SPEN: variants seen among roughly 807,000 people sequenced by gnomAD.
SPEN encodes msx2-interacting protein.
SPEN carries 18 observed loss-of-function variants against 269.9 expected under a neutral mutation model. The observed-to-expected ratio is 0.07, with a 90% CI of 0.05 to 0.10. The LOEUF (loss-of-function observed/expected upper bound fraction) is 0.10, where lower values mean the gene tolerates loss of function less well. SPEN is among the 10% of genes least tolerant of loss of function. The pLI is 1.00. For synonymous variants in SPEN, 1,726 were observed against 1,765.7 expected, an observed-to-expected ratio of 0.98 and a Z score of 0.56; for missense variants, 3,822 against 4,631.2, an observed-to-expected ratio of 0.83 and a Z score of 5.07.
At chr1:15,902,189 A>T (rs1033344943) in intron 3 of SPEN, among the ~76,000 whole-genome samples, 4 of 152,160 alleles carry the variant, frequency 2.6e-5, no homozygotes, top group Admixed American at 1.3e-4. Context: ...TCAGCCTCCC[A>T]AAGTGCTGGG....
chr1:15,857,414 T>C (rs2070398329), intron 1 of SPEN, among the ~76,000 whole-genome samples: 1 of 151,914 alleles, frequency 6.6e-6, no homozygotes, highest in Non-Finnish European at 1.5e-5. Context: ...TGGAGTGCAG[T>C]GGCGTGATCT....
chr1:15,906,090 GTATTAA>G (rs1357668234), intron 3 of SPEN, among the ~76,000 whole-genome samples: 1 of 152,076 alleles, frequency 6.6e-6, no homozygotes, highest in African/African-American at 2.4e-5. Flanking sequence ...GAATAATCTT[GTATTAA>G]TATTACTTGG....
chr1:15,891,554 G>A (rs982321275), intron 3 of SPEN, among the ~76,000 whole-genome samples: 12 of 152,060 alleles, frequency 7.9e-5, no homozygotes, highest in Non-Finnish European at 1.5e-5. Context: ...GTTTCACCAT[G>A]TTAGCCAGGA....
chr1:15,889,452 C>T lies in SPEN; in HGVS notation c.881+12774C>T, dbSNP rs181743500. ...AAGTGCTGGGATTACAGGCATGAGC[C>T]ACCGTGCCTGGCCAACATTAGCATT... On this transcript the variant is annotated intron_variant, in intron 3 of 14. Transcript: ENST00000375759. Among the ~76,000 whole-genome samples, 211 of 152,218 alleles carry T rather than the reference C, an allele frequency of 1.4e-3. 1 individual carries two copies. Among genetic ancestry groups the T allele is most frequent in the African/African-American group, 4.8e-3 (199 of 41,534 alleles).
chr1:15,935,400 G>C lies in SPEN; in HGVS notation c.9160G>C (p.Ala3054Pro), dbSNP rs777145562. The change falls in exon 11 of 15, where the codon GCC becomes CCC. Residue 3054 changes from alanine to proline, a missense_variant. Physicochemically the swap from Ala to Pro is conservative, Grantham distance 27 (BLOSUM62 -1). This residue lies in a region of SPEN where 153 missense variants were observed against 228.5 expected (regional missense o/e 0.67). Coordinates refer to ENST00000375759, the MANE Select transcript of SPEN (RefSeq NM_015001.3). The surrounding 1 kb of genome is among the most constrained non-coding windows in gnomAD (Gnocchi z 7.7). ...TGCATCTACGGCGCTCTCCACCAAC[G>C]CCACAGTCATGCTGGCTGCAGGCAT... ...STASTALSTN[A>P]TVMLAAGIPV... 6.3e-5 allele frequency: 101 copies of C among 1,613,902 alleles called. No individual in the cohort carries two copies. The highest frequency in any genetic ancestry group is 8.5e-7 in the Non-Finnish European group (1 of 1,180,024).
At chr1:15,892,345 A>G (rs948421800) in intron 3 of SPEN, among the ~76,000 whole-genome samples, 4 of 152,166 alleles carry the variant, frequency 2.6e-5, no homozygotes, top group Non-Finnish European at 5.9e-5. Flanking sequence ...TTTTTAAAAT[A>G]TGACTATTTG....
chr1:15,867,077 A>G (rs1026925693), intron 1 of SPEN, among the ~76,000 whole-genome samples: 2 of 152,146 alleles, frequency 1.3e-5, no homozygotes, highest in Non-Finnish European at 1.5e-5. Flanking sequence ...AACCATTATC[A>G]CTATCTAATT....
chr1:15,919,397 T>A lies in SPEN; in HGVS notation c.1522-7T>A, dbSNP rs1189778477. On this transcript the variant is annotated splice_polypyrimidine_tract_variant and splice_region_variant and intron_variant, in intron 7 of 14. Coordinates refer to ENST00000375759, the MANE Select transcript of SPEN (RefSeq NM_015001.3). ...TTACTAATAGAAATTTTGCCTTTTA[T>A]ATTCAGCTGGGTTTTGGAAAGAGCA... 3.8e-6 allele frequency: 6 copies of A among 1,569,232 alleles called. No homozygotes were observed. The African/African-American group carries it at 8.3e-5, about 22-fold the overall frequency.
chr1:15,911,541 T>TAA (rs539414107), intron 5 of SPEN, among the ~76,000 whole-genome samples: 233 of 152,360 alleles, frequency 1.5e-3, no homozygotes, highest in African/African-American at 4.5e-3. Context: ...TGCTGACTGT[T>TAA]AAGAGTCTGA....
At position 15,930,885 on chromosome 1, in the gene SPEN, A is replaced by G. The variant is rs889015254; in HGVS notation, c.4645A>G (p.Lys1549Glu). The change falls in exon 11 of 15, where the codon AAA becomes GAA. Residue 1549 changes from lysine to glutamate, a missense_variant. Around this residue, in one of 16 missense-constraint regions of SPEN, gnomAD observed 533 missense variants for 618.8 expected, o/e 0.86. Coordinates refer to ENST00000375759, the MANE Select transcript of SPEN (RefSeq NM_015001.3). The surrounding 1 kb of genome is among the most constrained non-coding windows in gnomAD (Gnocchi z 5.3). ...DSKRLQHLER[K>E]EEDSDFISGR... ...CAAGCGATTGCAGCATCTAGAGAGA[A>G]AAGAGGAAGATTCTGACTTCATTTC... The G allele has an allele frequency of 1.9e-6, 3 of 1,614,134 alleles. No homozygotes were observed. Among genetic ancestry groups the G allele is most frequent in the Non-Finnish European group, 2.5e-6 (3 of 1,180,026 alleles).
At chr1:15,856,050 T>C (rs1195266787) in intron 1 of SPEN, among the ~76,000 whole-genome samples, 3 of 138,090 alleles carry the variant, frequency 2.2e-5, no homozygotes, top group Non-Finnish European at 3.1e-5. Context: ...TGGAGTGCAG[T>C]GGTGTGATCT....
chr1:15,934,651 C>G lies in SPEN; in HGVS notation c.8411C>G (p.Ala2804Gly). 2 of 1,613,972 alleles carry G rather than the reference C, an allele frequency of 1.2e-6. No individual in the cohort carries two copies. Among genetic ancestry groups the G allele is most frequent in the East Asian group, 2.2e-5 (1 of 44,874 alleles). Residue 2804 changes from alanine to glycine, a missense_variant, in exon 11 of 15, where the codon GCG (alanine) becomes GGG (glycine). Around this residue, in one of 16 missense-constraint regions of SPEN, gnomAD observed 329 missense variants for 431.2 expected, o/e 0.76. Transcript: ENST00000375759. This position sits in a 1 kb window ranked among gnomAD's most constrained non-coding sequence, Gnocchi z 9.2. ...DDRPADAGSG[A>G]GLRVNTSEGV... ...CGTCCGGCAGACGCGGGCTCAGGGG[C>G]GGGGCTGCGTGTGAACACTTCTGAA...
In SPEN at chr1:15,937,627, T is replaced by C. The variant is rs1216258567; in HGVS notation, c.10491T>C (p.Asp3497=). Residue 3497 remains aspartate (D), a synonymous_variant, in exon 12 of 15, where the codon GAT becomes GAC. Transcript: ENST00000375759. The surrounding 1 kb of genome is among the most constrained non-coding windows in gnomAD (Gnocchi z 5.7). The part of the protein sequence containing the change: ...SPHLTSQRPV[D]MVQLLKKYPI... ...ACCTGACTTCCCAGAGACCCGTGGA[T>C]ATGGTTCAACTTCTGAAGGTAAGCA... is the stretch of plus-strand genomic sequence containing the variant. 1 of 1,613,476 alleles carries C rather than the reference T, an allele frequency of 6.2e-7. No homozygotes were observed. Among genetic ancestry groups the C allele is most frequent in the African/African-American group, 1.3e-5 (1 of 75,042 alleles).
At chr1:15,918,466 G>A (rs558362165) in intron 6 of SPEN, among the ~76,000 whole-genome samples, 14 of 152,286 alleles carry the variant, frequency 9.2e-5, no homozygotes, top group Non-Finnish European at 1.8e-4. Flanking sequence ...TGATCCGCCC[G>A]CCTCCACCTC....
chr1:15,848,122 G>A lies in SPEN; in HGVS notation c.55G>A (p.Glu19Lys). 1 of 1,501,356 alleles carries A rather than the reference G, an allele frequency of 6.7e-7. No homozygotes were observed. Among genetic ancestry groups the A allele is most frequent in the South Asian group, 1.2e-5 (1 of 80,238 alleles). 93.0% of individuals were successfully genotyped at this position (1,501,356 alleles called of 1,614,324 possible). A position where few individuals can be genotyped will look rare whatever the true frequency, so the allele number is the denominator to read the frequency against. The change falls in exon 1 of 15, where the codon GAA becomes AAA. Residue 19 changes from glutamate (E) to lysine (K), a missense_variant. By Grantham distance (56) the Glu-to-Lys change is moderately conservative. Around this residue, in one of 16 missense-constraint regions of SPEN, gnomAD observed 51 missense variants for 56.1 expected, o/e 0.91. Transcript: ENST00000375759. The surrounding 1 kb of genome is among the most constrained non-coding windows in gnomAD (Gnocchi z 5.1). ...GGGCAACTTACCCGAGAACGTGCGG[G>A]AAGAGAAGATCATCGAGCATTTCAA... ...WVGNLPENVR[E>K]EKIIEHFKRY...
At chr1:15,865,471 G>A (rs191190935) in intron 1 of SPEN, among the ~76,000 whole-genome samples, 161 of 145,690 alleles carry the variant, frequency 1.1e-3, no homozygotes, top group African/African-American at 4.0e-3. Flanking sequence ...TTGCCAGGCT[G>A]GAGTGCAGTG....
intron 8 of SPEN, 108 bp downstream of exon 8, chr1:15,919,625 C>T (rs2071097842): frequency 1.6e-6 from 1 of 619,780 alleles, no homozygotes; most frequent in Non-Finnish European, 2.7e-6. Context: ...TAATAACGAG[C>T]ACATTAAAAT....
intron 3 of SPEN, among the ~76,000 whole-genome samples, chr1:15,893,113 A>G (rs1392589192): frequency 6.6e-6 from 1 of 152,152 alleles, no homozygotes; most frequent in African/African-American, 2.4e-5. Flanking sequence ...AACAACAACA[A>G]CAACAAAAAC....
intron 1 of SPEN, among the ~76,000 whole-genome samples, chr1:15,863,964 G>A (rs904149961): frequency 6.6e-6 from 1 of 152,164 alleles, no homozygotes; most frequent in African/African-American, 2.4e-5. Flanking sequence ...GCACTTATCA[G>A]ATGTGTAATA....
Sources: allele counts gnomAD v4.1 joint callset (sites outside exome capture counted in the v4.1 genomes callset), GRCh38; gene constraint gnomAD v4.1.1; regional missense constraint gnomAD v4.1.1; non-coding constraint Gnocchi (gnomAD v3.1); transcripts MANE v1.5; gene names NCBI Gene and HGNC (gene_info 2026-07-23, HGNC 2026-07-21).